MRPL1: variants seen among roughly 807,000 people sequenced by gnomAD.
The protein encoded by MRPL1 is large ribosomal subunit protein uL1m.
In MRPL1, 28 loss-of-function variants were observed where a neutral mutation model predicts 38.0. That is an observed-to-expected ratio of 0.74 (90% CI 0.55 to 1.01). The LOEUF is 1.01. Among genes scored for constraint, MRPL1 ranks in the 50% least tolerant of loss-of-function variants. The probability of loss-of-function intolerance (pLI) is 0.00; values close to 1 mark genes in which losing one functional copy is unlikely to be tolerated. For missense variants in MRPL1, 358 were observed against 389.8 expected (o/e 0.92, Z 0.69); for synonymous variants, 123 against 126.7 (o/e 0.97, Z 0.20).
Position 77,883,444 on chromosome 4 carries a change from A to C in MRPL1, c.346A>C (p.Ser116Arg). The C allele has an allele frequency of 1.2e-6, 2 of 1,613,722 alleles. No individual in the cohort carries two copies. The highest frequency in any genetic ancestry group is 1.7e-6 in the Non-Finnish European group (2 of 1,179,694). The change falls in exon 3 of 9, where the codon AGT becomes CGT. Residue 116 changes from serine to arginine, a missense_variant. Coordinates refer to ENST00000315567, the MANE Select transcript of MRPL1 (RefSeq NM_020236.4). ...LKKFQILDFT[S>R]PKQSVYLDLT... is the part of the protein sequence containing the mutation. Reference sequence around the variant, plus strand: ...GAAATTTCAAATTCTTGACTTTACTAGTCCAAAGCAAAGTGTTTATCTTGA... The same window carrying C: ...GAAATTTCAAATTCTTGACTTTACTCGTCCAAAGCAAAGTGTTTATCTTGA...
chr4:77,924,127 A>G (rs1736655380), intron 7 of MRPL1, among the ~76,000 whole-genome samples: 1 of 152,078 alleles, frequency 6.6e-6, no homozygotes, highest in Non-Finnish European at 1.5e-5. Flanking sequence ...GCTGGAAATT[A>G]TAAACCTTGG....
chr4:77,892,285 C>G (rs549851085), intron 5 of MRPL1, among the ~76,000 whole-genome samples: 34 of 152,122 alleles, frequency 2.2e-4, no homozygotes, highest in African/African-American at 8.0e-4. Context: ...GCACCTGCCA[C>G]CACGCCCAGC....
At chr4:77,894,278 C>T (rs1297066036) in intron 6 of MRPL1, 28 bp downstream of exon 6, 1 of 1,353,668 alleles carries the variant, frequency 7.4e-7, no homozygotes, top group Non-Finnish European at 1.0e-6. Flanking sequence ...ATTTCAATAT[C>T]CTGTCAACAA....
chr4:77,928,641 A>G (rs78793552), intron 7 of MRPL1, among the ~76,000 whole-genome samples: 18 of 152,184 alleles, frequency 1.2e-4, no homozygotes, highest in Admixed American at 1.2e-3. Flanking sequence ...TGGAGCTAAG[A>G]AAGAGGAAAA....
intron 5 of MRPL1, among the ~76,000 whole-genome samples, chr4:77,890,389 A>G (rs958505268): frequency 6.6e-6 from 1 of 152,240 alleles, no homozygotes; most frequent in African/African-American, 2.4e-5. Context: ...CAAAAACCAC[A>G]TGATTATCTC....
At position 77,872,614 on chromosome 4, in the gene MRPL1, C is replaced by T. The variant is rs775293656; in HGVS notation, c.143+759C>T. 2.5e-4 allele frequency among the ~76,000 whole-genome samples: 38 copies of T among 152,120 alleles called. 1 individual carries two copies. The highest frequency in any genetic ancestry group is 2.1e-3 in the East Asian group (11 of 5,184). ...GCACCGTGGCTCACACCTGTGATCCCGGCACTTTGGGAGGCCGAGGCGGGT... is the reference window on the plus strand; with the variant it reads ...GCACCGTGGCTCACACCTGTGATCCTGGCACTTTGGGAGGCCGAGGCGGGT... On this transcript the variant is annotated intron_variant, in intron 2 of 8. Coordinates refer to ENST00000315567, the MANE Select transcript of MRPL1 (RefSeq NM_020236.4).
chr4:77,874,820 C>T (rs566678264), intron 2 of MRPL1, among the ~76,000 whole-genome samples: 34 of 136,892 alleles, frequency 2.5e-4, no homozygotes, highest in East Asian at 4.2e-4. Flanking sequence ...TTGCTCTTGT[C>T]GCCCAGGCTG....
chr4:77,899,945 T>A (rs1433622849), intron 6 of MRPL1, among the ~76,000 whole-genome samples: 1 of 152,204 alleles, frequency 6.6e-6, no homozygotes, highest in Non-Finnish European at 1.5e-5. Context: ...TTAGTATAGA[T>A]CTCTCTTTGT....
At chr4:77,877,404 T>C (rs1735422649) in intron 2 of MRPL1, among the ~76,000 whole-genome samples, 1 of 151,838 alleles carries the variant, frequency 6.6e-6, no homozygotes, top group Non-Finnish European at 1.5e-5. Flanking sequence ...TGTAGTTACC[T>C]TGTTCTTAGG....
At chr4:77,909,680 G>A (rs573660767) in intron 7 of MRPL1, among the ~76,000 whole-genome samples, 1 of 152,194 alleles carries the variant, frequency 6.6e-6, no homozygotes, top group South Asian at 2.1e-4. Flanking sequence ...ATTGAGAATA[G>A]GGTTTAGATT....
At chr4:77,939,288 A>G (rs1321793267) in intron 7 of MRPL1, among the ~76,000 whole-genome samples, 6 of 152,142 alleles carry the variant, frequency 3.9e-5, no homozygotes, top group African/African-American at 1.2e-4. Flanking sequence ...TTCCCTGATC[A>G]TTAGTGATGT....
chr4:77,938,976 G>A (rs754295040), intron 7 of MRPL1, among the ~76,000 whole-genome samples: 2 of 152,116 alleles, frequency 1.3e-5, no homozygotes, highest in Non-Finnish European at 2.9e-5. Flanking sequence ...ACAGGAGTAA[G>A]TTCTTTAGTG....
At chr4:77,883,945 A>G (rs1425188004) in intron 3 of MRPL1, among the ~76,000 whole-genome samples, 1 of 152,196 alleles carries the variant, frequency 6.6e-6, no homozygotes, top group African/African-American at 2.4e-5. Context: ...GTACTTTAGC[A>G]TGAAAAATAT....
intron 2 of MRPL1, among the ~76,000 whole-genome samples, chr4:77,880,745 T>C (rs1012950296): frequency 2.0e-5 from 3 of 152,210 alleles, no homozygotes; most frequent in African/African-American, 7.2e-5. Flanking sequence ...CTGGTAAATA[T>C]ATTTTCTTAG....
intron 8 of MRPL1, among the ~76,000 whole-genome samples, chr4:77,951,767 A>G (rs2110270939): frequency 6.6e-6 from 1 of 152,190 alleles, no homozygotes; most frequent in East Asian, 1.9e-4. Context: ...GTGGCATGTT[A>G]GGTTAATTGG....
chr4:77,942,102 T>G (rs1737143180), intron 7 of MRPL1, among the ~76,000 whole-genome samples: 2 of 152,194 alleles, frequency 1.3e-5, no homozygotes, highest in Non-Finnish European at 1.5e-5. Context: ...AAATAATTTT[T>G]TAATTTCCAT....
At chr4:77,912,675 A>G (rs1204052438) in intron 7 of MRPL1, among the ~76,000 whole-genome samples, 1 of 152,180 alleles carries the variant, frequency 6.6e-6, no homozygotes, top group African/African-American at 2.4e-5. Context: ...GTACCAGTCA[A>G]CAGTTTTGTA....
At chr4:77,941,573 A>G (rs1428157530) in intron 7 of MRPL1, among the ~76,000 whole-genome samples, 1 of 152,032 alleles carries the variant, frequency 6.6e-6, no homozygotes, top group Non-Finnish European at 1.5e-5. Flanking sequence ...TGGTCTGTTC[A>G]GAGTTTCTAT....
At chr4:77,872,544 C>A (rs1006774572) in intron 2 of MRPL1, among the ~76,000 whole-genome samples, 1 of 152,084 alleles carries the variant, frequency 6.6e-6, no homozygotes, top group African/African-American at 2.4e-5. Context: ...CCAGCCTAGC[C>A]AACGTGGTGA....
Sources: allele counts gnomAD v4.1 joint callset (sites outside exome capture counted in the v4.1 genomes callset), GRCh38; gene constraint gnomAD v4.1.1; transcripts MANE v1.5; gene names NCBI Gene and HGNC (gene_info 2026-07-23, HGNC 2026-07-21).